Variants in VSTM2L observed in about 807,000 individuals in gnomAD.
VSTM2L encodes the protein V-set and transmembrane domain-containing protein 2-like protein.
In VSTM2L, 9 loss-of-function variants were observed where a neutral mutation model predicts 19.9. The ratio of observed to expected loss-of-function variants is 0.45; its 90% confidence interval spans 0.27 to 0.79. VSTM2L has a LOEUF of 0.79. VSTM2L is among the 30% of genes least tolerant of loss of function. The pLI is 0.15. For synonymous variants in VSTM2L, 127 were observed against 133.8 expected, an observed-to-expected ratio of 0.95 and a Z score of 0.35; for missense variants, 286 against 295.5, an observed-to-expected ratio of 0.97 and a Z score of 0.24.
At position 37,931,717 on chromosome 20, in the gene VSTM2L, C is replaced by T; in HGVS notation, c.204C>T (p.Gly68=). ...TGGCCTGCTCCTTCCGCGGCAGCGG[C>T]TCCCCCTCCTACTCGCTGGAGATCC... ...VEMACSFRGS[G]SPSYSLEIQW... is the part of the protein sequence containing the mutation. Residue 68 remains glycine, a synonymous_variant, in exon 2 of 4, where the codon GGC becomes GGT. Coordinates refer to ENST00000373461, the MANE Select transcript of VSTM2L (RefSeq NM_080607.3). 6.2e-7 allele frequency: 1 copy of T among 1,613,822 alleles called. No individual in the cohort carries two copies. The highest frequency in any genetic ancestry group is 8.5e-7 in the Non-Finnish European group (1 of 1,180,030).
intron 3 of VSTM2L, among the ~76,000 whole-genome samples, chr20:37,942,561 A>T (rs1405391321): frequency 2.6e-5 from 4 of 152,228 alleles, no homozygotes; most frequent in Non-Finnish European, 5.9e-5. Context: ...AGGCACAGGA[A>T]AGAAGCCACC....
intron 1 of VSTM2L, among the ~76,000 whole-genome samples, chr20:37,930,053 C>T (rs745549050): frequency 3.9e-5 from 6 of 152,200 alleles, no homozygotes; most frequent in Non-Finnish European, 7.4e-5. Context: ...TACAGAACAG[C>T]GGCTGGGACT....
intron 3 of VSTM2L, among the ~76,000 whole-genome samples, chr20:37,941,096 C>T (rs2072969352): frequency 6.6e-6 from 1 of 152,130 alleles, no homozygotes; most frequent in South Asian, 2.1e-4. Context: ...GGGGTGGGTC[C>T]CTGCATTCAA....
At chr20:37,933,916 C>A (rs6096976) in intron 3 of VSTM2L, among the ~76,000 whole-genome samples, 4,362 of 152,262 alleles carry the variant, frequency 0.029, 199 homozygotes, top group African/African-American at 0.093. Context: ...CCTGAGCCAG[C>A]TTTTTTTGGC....
At chr20:37,922,687 G>A (rs2072858327) in intron 1 of VSTM2L, among the ~76,000 whole-genome samples, 1 of 152,226 alleles carries the variant, frequency 6.6e-6, no homozygotes, top group Non-Finnish European at 1.5e-5. Flanking sequence ...AGGGCAGGGA[G>A]GGCTGTGCAG....
intron 1 of VSTM2L, 135 bp downstream of exon 1, chr20:37,903,606 G>A: frequency 7.9e-7 from 1 of 1,269,642 alleles, no homozygotes; most frequent in African/African-American, 1.6e-5. Context: ...TGCCGGCGCG[G>A]TGGACCCGCC....
intron 1 of VSTM2L, among the ~76,000 whole-genome samples, chr20:37,911,846 T>C (rs1452563140): frequency 6.6e-6 from 1 of 152,162 alleles, no homozygotes; most frequent in Non-Finnish European, 1.5e-5. Context: ...ATCTGTATAC[T>C]TAGAAACCAC....
intron 1 of VSTM2L, among the ~76,000 whole-genome samples, chr20:37,913,517 T>C (rs2072792463): frequency 6.6e-6 from 1 of 150,972 alleles, no homozygotes; most frequent in Non-Finnish European, 1.5e-5. Flanking sequence ...TTGGTAAGCA[T>C]ACTCAGAGAG....
chr20:37,917,314 CAAAAAAGAAAGA>C (rs1460982922), intron 1 of VSTM2L, among the ~76,000 whole-genome samples: 1 of 149,020 alleles, frequency 6.7e-6, no homozygotes, highest in Non-Finnish European at 1.5e-5. Flanking sequence ...GACTCTGTCT[CAAAAAAGAAAGA>C]AAAAAAGAAA....
At chr20:37,921,350 A>G (rs1280364787) in intron 1 of VSTM2L, among the ~76,000 whole-genome samples, 1 of 152,114 alleles carries the variant, frequency 6.6e-6, no homozygotes, top group Non-Finnish European at 1.5e-5. Context: ...CGAGCCTGGG[A>G]GCCTGATTTT....
intron 1 of VSTM2L, among the ~76,000 whole-genome samples, chr20:37,908,944 G>T (rs1287039233): frequency 2.0e-5 from 3 of 152,192 alleles, no homozygotes; most frequent in Admixed American, 6.5e-5. Context: ...ACTGTTTCGG[G>T]CCCACTGTTT....
At chr20:37,943,933 C>T in intron 3 of VSTM2L, 48 bp from the exon 4 acceptor site, 1 of 733,932 alleles carries the variant, frequency 1.4e-6, no homozygotes, top group Non-Finnish European at 1.8e-6. Flanking sequence ...TCTTCTTCTC[C>T]CCCACTGTCA....
chr20:37,921,837 C>CTTTTTTTT (rs1568837638), intron 1 of VSTM2L, among the ~76,000 whole-genome samples: 6 of 126,610 alleles, frequency 4.7e-5, no homozygotes, highest in African/African-American at 2.1e-4. Context: ...TCTTTCTTTT[C>CTTTTTTTT]CTTTTTTTTT....
intron 1 of VSTM2L, among the ~76,000 whole-genome samples, chr20:37,912,784 C>T (rs545400928): frequency 4.6e-5 from 7 of 152,270 alleles, no homozygotes; most frequent in African/African-American, 1.7e-4. Context: ...TGGGAAGTGC[C>T]CTCCACCGGC....
intron 1 of VSTM2L, among the ~76,000 whole-genome samples, chr20:37,931,129 A>G (rs1187549321): frequency 1.3e-5 from 2 of 152,156 alleles, no homozygotes. Flanking sequence ...GCTGATCCCC[A>G]TACCTGGGGT....
At chr20:37,914,448 T>TGG in intron 1 of VSTM2L, among the ~76,000 whole-genome samples, 1 of 130,150 alleles carries the variant, frequency 7.7e-6, no homozygotes, top group Admixed American at 7.6e-5. Context: ...TATGTGTATG[T>TGG]GTGTGTGTAT....
At chr20:37,916,994 G>T (rs1272213829) in intron 1 of VSTM2L, among the ~76,000 whole-genome samples, 1 of 152,188 alleles carries the variant, frequency 6.6e-6, no homozygotes, top group Middle Eastern at 3.2e-3. Context: ...GAATGCACTA[G>T]ATGCGACTCA....
intron 1 of VSTM2L, among the ~76,000 whole-genome samples, 172 bp from the exon 2 acceptor site, chr20:37,931,463 G>T (rs549641012): frequency 8.8e-4 from 134 of 152,218 alleles, no homozygotes; most frequent in Non-Finnish European, 1.5e-3. Context: ...TGAGCTTCTT[G>T]GGTGCCCAGC....
At chr20:37,919,421 C>T (rs1354209929) in intron 1 of VSTM2L, among the ~76,000 whole-genome samples, 1 of 152,224 alleles carries the variant, frequency 6.6e-6, no homozygotes, top group African/African-American at 2.4e-5. Context: ...GAGGAGAGGG[C>T]CCTGGACACA....
Sources: allele counts gnomAD v4.1 joint callset (sites outside exome capture counted in the v4.1 genomes callset), GRCh38; gene constraint gnomAD v4.1.1; transcripts MANE v1.5; gene names NCBI Gene and HGNC (gene_info 2026-07-23, HGNC 2026-07-21).